The following LRP1B variants were observed in gnomAD, a reference collection of about 807,000 sequenced individuals.
LRP1B encodes the protein low-density lipoprotein receptor-related protein 1B.
In LRP1B, 217 loss-of-function variants were observed where a neutral mutation model predicts 556.6. That is an observed-to-expected ratio of 0.39 (90% CI 0.35 to 0.44). The LOEUF (loss-of-function observed/expected upper bound fraction) is 0.44. Ranked by LOEUF, LRP1B falls within the 20% of genes least tolerant of loss-of-function variation. The pLI is 1.00. For synonymous variants in LRP1B, 2,047 were observed against 1,865.8 expected, an observed-to-expected ratio of 1.10 and a Z score of -2.50; for missense variants, 5,053 against 5,620.8, an observed-to-expected ratio of 0.90 and a Z score of 3.23.
chr2:141,087,138 A>G (rs1213856481), intron 7 of LRP1B, among the ~76,000 whole-genome samples: 2 of 152,226 alleles, frequency 1.3e-5, no homozygotes, highest in African/African-American at 2.4e-5. Context: ...CCAAACTTTC[A>G]TTCCTTGTAA....
chr2:141,123,485 T>A (rs941153188), intron 7 of LRP1B, among the ~76,000 whole-genome samples: 5 of 152,116 alleles, frequency 3.3e-5, no homozygotes, highest in African/African-American at 9.7e-5. Context: ...ATAAATATTT[T>A]AAAAGCATCT....
At chr2:141,597,946 C>T (rs1687581649) in intron 2 of LRP1B, among the ~76,000 whole-genome samples, 1 of 152,004 alleles carries the variant, frequency 6.6e-6, no homozygotes, top group Non-Finnish European at 1.5e-5. Flanking sequence ...CCAACAACCT[C>T]ATCTGGGATT....
At position 140,259,846 on chromosome 2, in the gene LRP1B, G is replaced by C. The variant is rs141938927; in HGVS notation, c.13247+10396C>G. On this transcript the variant is annotated intron_variant, in intron 86 of 90. Coordinates refer to ENST00000389484, the MANE Select transcript of LRP1B (RefSeq NM_018557.3). ...TTCATGTCCAAAGGCCATACACAGA[G>C]GGAGAGGTCAATTGTAGCCATGAAA... 6.6e-5 allele frequency among the ~76,000 whole-genome samples: 10 copies of C among 151,988 alleles called. No homozygotes were observed. In the East Asian group the frequency reaches 1.7e-3, roughly 27 times the overall value.
At chr2:140,266,285 A>C (rs1385533059) in intron 86 of LRP1B, among the ~76,000 whole-genome samples, 1 of 152,018 alleles carries the variant, frequency 6.6e-6, no homozygotes, top group Admixed American at 6.6e-5. Flanking sequence ...CCTAACTGAG[A>C]AATCCAATAA....
In LRP1B at chr2:141,724,070, A is replaced by G. The variant is rs1692941050; in HGVS notation, c.205+86209T>C. 3.3e-5 allele frequency among the ~76,000 whole-genome samples: 5 copies of G among 151,740 alleles called. No homozygotes were observed. The South Asian group carries it at 1.0e-3, about 31-fold the overall frequency. The stretch of plus-strand genomic sequence containing the variant: ...TAAGACCTGTACCAGATAAGAAAGA[A>G]AATAAATAGTCTGTACCTTGATGAC... On this transcript the variant is annotated intron_variant, in intron 2 of 90. Transcript: ENST00000389484.
intron 1 of LRP1B, among the ~76,000 whole-genome samples, chr2:141,932,712 T>C (rs919960497): frequency 6.6e-6 from 1 of 152,096 alleles, no homozygotes; most frequent in Admixed American, 6.6e-5. Context: ...TGAATTATTA[T>C]TTATGACTCA....
intron 1 of LRP1B, among the ~76,000 whole-genome samples, chr2:142,068,574 T>A (rs1705192414): frequency 6.7e-6 from 1 of 150,044 alleles, no homozygotes. Flanking sequence ...TCCCTTGTAT[T>A]GATGATATTT....
At chr2:140,324,236 A>AG (rs1480467168) in intron 80 of LRP1B, among the ~76,000 whole-genome samples, 170 bp from the exon 81 acceptor site, 1 of 152,062 alleles carries the variant, frequency 6.6e-6, no homozygotes. Context: ...ATATATCTGA[A>AG]GTAAGGATAT....
intron 37 of LRP1B, among the ~76,000 whole-genome samples, chr2:140,706,436 A>C (rs560406969): frequency 2.0e-5 from 3 of 152,198 alleles, no homozygotes; most frequent in Non-Finnish European, 4.4e-5. Context: ...ATAAAATAGT[A>C]TTTGTTAAAC....
chr2:142,117,220 AAT>A (rs1243432843), intron 1 of LRP1B, among the ~76,000 whole-genome samples: 5 of 152,252 alleles, frequency 3.3e-5, no homozygotes, highest in Non-Finnish European at 7.4e-5. Flanking sequence ...GTTAAGTCAC[AAT>A]TGGGTCTAAT....
intron 21 of LRP1B, among the ~76,000 whole-genome samples, chr2:140,911,040 T>C (rs181707709): frequency 2.6e-3 from 396 of 151,954 alleles, no homozygotes; most frequent in Non-Finnish European, 4.3e-3. Flanking sequence ...GCAAGCCTGG[T>C]GACATCAATT....
At chr2:141,054,807 A>C (rs929691536) in intron 10 of LRP1B, among the ~76,000 whole-genome samples, 10 of 151,950 alleles carry the variant, frequency 6.6e-5, no homozygotes, top group African/African-American at 2.4e-4. Context: ...CTGATCAACT[A>C]ATCATTCCAA....
chr2:140,623,913 C>T (rs1248605159), intron 41 of LRP1B, among the ~76,000 whole-genome samples: 7 of 115,084 alleles, frequency 6.1e-5, no homozygotes, highest in Non-Finnish European at 9.0e-5. Context: ...AGCGAGACTT[C>T]GTCTCAATAT....
chr2:141,586,097 G>A (rs546866687), intron 2 of LRP1B, among the ~76,000 whole-genome samples: 146 of 152,286 alleles, frequency 9.6e-4, no homozygotes, highest in Non-Finnish European at 1.2e-3. Flanking sequence ...AAGTAGAATA[G>A]TCTGGTGAAA....
At chr2:141,462,369 A>G (rs890638659) in intron 3 of LRP1B, among the ~76,000 whole-genome samples, 2 of 152,188 alleles carry the variant, frequency 1.3e-5, no homozygotes, top group African/African-American at 2.4e-5. Context: ...TAGTTCAAAT[A>G]CATTCTCCTC....
intron 1 of LRP1B, among the ~76,000 whole-genome samples, chr2:142,001,990 T>G (rs994976638): frequency 2.0e-5 from 3 of 152,154 alleles, no homozygotes; most frequent in Admixed American, 1.3e-4. Context: ...CCCAACTGTG[T>G]CTGCCAAAAG....
chr2:142,105,937 T>C (rs886324795), intron 1 of LRP1B, among the ~76,000 whole-genome samples: 1 of 152,188 alleles, frequency 6.6e-6, no homozygotes, highest in African/African-American at 2.4e-5. Context: ...TTATAAACAA[T>C]GAAAGTTGAA....
At chr2:141,248,668 A>G (rs748440107) in intron 4 of LRP1B, among the ~76,000 whole-genome samples, 12 of 152,192 alleles carry the variant, frequency 7.9e-5, no homozygotes, top group Non-Finnish European at 1.5e-4. Context: ...CCAGATAATG[A>G]AGATATTTGT....
chr2:141,227,512 C>T (rs1683292906), intron 6 of LRP1B, among the ~76,000 whole-genome samples: 1 of 152,080 alleles, frequency 6.6e-6, no homozygotes, highest in South Asian at 2.1e-4. Flanking sequence ...CTGCCTTGTG[C>T]CATCCTTTAT....
Sources: gnomAD v4.1 joint callset for allele counts (sites outside exome capture counted in the v4.1 genomes callset) on GRCh38, gnomAD v4.1.1 for gene constraint, MANE v1.5 for transcripts, NCBI Gene and HGNC (gene_info 2026-07-23, HGNC 2026-07-21) for gene names.